The following SUN2 variants were observed in gnomAD, a reference collection of about 807,000 sequenced individuals.
SUN2 encodes the protein Sad1 and UNC84 domain containing 2, also known as SUN domain-containing protein 2.
SUN2 carries 60 observed loss-of-function variants against 100.0 expected under a neutral mutation model. The observed-to-expected ratio is 0.60, with a 90% confidence interval of 0.49 to 0.74. SUN2 has a LOEUF of 0.74. Ranked by LOEUF, SUN2 falls within the 30% of genes least tolerant of loss-of-function variation. The pLI is 0.00. For synonymous variants in SUN2, 367 were observed against 403.3 expected (o/e 0.91, Z 1.08); for missense variants, 834 against 954.6 (o/e 0.87, Z 1.66).
In SUN2 at chr22:38,748,113, C is replaced by T. The variant is rs191550852; in HGVS notation, c.685+600G>A. ...GCTGGATCACCTGAGGTCAGGAGTTCGAGACCAGCCTGACAACATGGAGAA... is the reference window on the plus strand; with the variant it reads ...GCTGGATCACCTGAGGTCAGGAGTTTGAGACCAGCCTGACAACATGGAGAA... On this transcript the variant is annotated intron_variant, in intron 7 of 17. Transcript: ENST00000689035. 2.6e-3 allele frequency among the ~76,000 whole-genome samples: 401 copies of T among 151,552 alleles called. 2 individuals carry two copies. Among genetic ancestry groups the T allele is most frequent in the African/African-American group, 9.3e-3 (386 of 41,310 alleles).
Position 38,749,881 on chromosome 22 carries a change from C to T in SUN2, c.521-22G>A, listed in dbSNP as rs574557220. The T allele has an allele frequency of 8.7e-6, 14 of 1,605,100 alleles. No individual in the cohort carries two copies. In the South Asian group the frequency reaches 8.9e-5, roughly 10 times the overall value. ...CGGCCTGGAAGAATGACCATCAAGC[C>T]GAAGGCTCCATATGGTGTTTGGGGG... is the stretch of plus-strand genomic sequence containing the variant. On this transcript the variant is annotated intron_variant, in intron 5 of 17. Transcript: ENST00000689035.
rs775107257 is a variant in SUN2 at position 38,738,185 on chromosome 22, C to T, written c.2028G>A (p.Thr676=). 15 of 1,613,850 alleles carry T rather than the reference C, an allele frequency of 9.3e-6. No homozygotes were observed. The highest frequency in any genetic ancestry group is 5.3e-5 in the African/African-American group (4 of 74,898). The change falls in exon 17 of 18, where the codon ACG becomes ACA. Residue 676 remains threonine, a synonymous_variant. Transcript: ENST00000689035. This position sits in a 1 kb window ranked among gnomAD's most constrained non-coding sequence, Gnocchi z 6.6. ...TYDQDGEPIQ[T]FHFQAPTMAT... ...CAGCATCCCGTACCTGAAAGTGAAACGTCTGAATAGGCTCGCCGTCCTGAT... is the reference window on the plus strand; with the variant it reads ...CAGCATCCCGTACCTGAAAGTGAAATGTCTGAATAGGCTCGCCGTCCTGAT...
intron 8 of SUN2, 129 bp from the exon 9 acceptor site, chr22:38,742,684 T>C: frequency 2.4e-6 from 3 of 1,257,758 alleles, no homozygotes; most frequent in Middle Eastern, 2.5e-4. Flanking sequence ...CATAAGGCCA[T>C]GCAGGGCCGG....
In SUN2 at chr22:38,739,434, G is replaced by C. The variant is rs1416250131; in HGVS notation, c.1579-8C>G. Reference sequence around the variant, plus strand: ...CACGATGTGGTGCACCTGCTGCAATGCAGGCACCAGGAGACGGTTGCAGCA... The same window carrying C: ...CACGATGTGGTGCACCTGCTGCAATCCAGGCACCAGGAGACGGTTGCAGCA... On this transcript the variant is annotated splice_polypyrimidine_tract_variant and splice_region_variant and intron_variant, in intron 13 of 17. Transcript: ENST00000689035. This position sits in a 1 kb window ranked among gnomAD's most constrained non-coding sequence, Gnocchi z 6.7. 3.7e-6 allele frequency: 6 copies of C among 1,612,610 alleles called. No individual in the cohort carries two copies. The highest frequency in any genetic ancestry group is 5.1e-6 in the Non-Finnish European group (6 of 1,179,814).
chr22:38,749,889 C>G (rs1228918258), intron 5 of SUN2, 30 bp from the exon 6 acceptor site: 1 of 1,598,062 alleles, frequency 6.3e-7, no homozygotes, highest in East Asian at 2.3e-5. Flanking sequence ...GCCGAAGGCT[C>G]CATATGGTGT....
Position 38,735,671 on chromosome 22 carries a change from C to G in SUN2, c.*596G>C, listed in dbSNP as rs1258352121. ...GCCCCATGGCCCACTGCTACCCTCC[C>G]CGGGACAAATACACACTTTTGTCGA... On this transcript the variant is annotated 3_prime_UTR_variant, in exon 18 of 18. Transcript: ENST00000689035. 3.6e-5 allele frequency: 6 copies of G among 167,838 alleles called. No individual in the cohort carries two copies. The highest frequency in any genetic ancestry group is 1.3e-5 in the Non-Finnish European group (1 of 76,608). 10.4% of individuals were successfully genotyped at this position (167,838 alleles called of 1,614,324 possible). A position where few individuals can be genotyped will look rare whatever the true frequency, so the allele number is the denominator to read the frequency against.
intron 1 of SUN2, chr22:38,754,601 TCTCCCCTC>T: frequency 9.8e-7 from 1 of 1,018,400 alleles, no homozygotes; most frequent in Non-Finnish European, 1.3e-6. Flanking sequence ...TATAAGGTAA[TCTCCCCTC>T]CCCCCTCCCT....
chr22:38,750,090 G>T (rs1358139695), intron 5 of SUN2, 135 bp downstream of exon 5: 1 of 1,379,922 alleles, frequency 7.2e-7, no homozygotes, highest in Non-Finnish European at 9.7e-7. Context: ...TGGGCTCCCA[G>T]TGATTATTCT....
rs869037443 is a variant in SUN2, at chr22:38,753,210, C to CTTTTTT, written c.-37-551_-37-546dup. On this transcript the variant is annotated intron_variant, in intron 1 of 17. Transcript: ENST00000689035. ...TTCCCATGTAGACCCCACCTATGTT[C>CTTTTTT]TTTTTTTTTTTTTTTTTTTTTTTGA... Among the ~76,000 whole-genome samples, 72 of 86,238 alleles carry CTTTTTT rather than the reference C, an allele frequency of 8.3e-4. 2 individuals carry two copies. The highest frequency in any genetic ancestry group is 9.0e-4 in the Non-Finnish European group (42 of 46,572). The allele number at this position is 86,238 out of a possible 152,430, so 56.6% of individuals were successfully genotyped here.
chr22:38,738,683 G>A lies in SUN2; in HGVS notation c.1851C>T (p.Ala617=), dbSNP rs1375943611. ...AGGTAACGGCTGTGGGGCGGATGCG[G>A]GCAGAGAGGCGGACCACGGCGAAGC... is the stretch of plus-strand genomic sequence containing the variant. The part of the protein sequence containing the change: ...PQGFAVVRLS[A]RIRPTAVTLE... The change falls in exon 16 of 18, where the codon GCC becomes GCT. Residue 617 remains alanine, a synonymous_variant. Transcript: ENST00000689035. The surrounding 1 kb of genome is among the most constrained non-coding windows in gnomAD (Gnocchi z 6.6). 1.9e-6 allele frequency: 3 copies of A among 1,613,770 alleles called. No individual in the cohort carries two copies. The highest frequency in any genetic ancestry group is 1.3e-5 in the African/African-American group (1 of 74,944).
chr22:38,740,890 A>T lies in SUN2; in HGVS notation c.1190+117T>A. On this transcript the variant is annotated intron_variant, in intron 11 of 17. Coordinates refer to ENST00000689035, the MANE Select transcript of SUN2 (RefSeq NM_015374.3). The surrounding 1 kb of genome is among the most constrained non-coding windows in gnomAD (Gnocchi z 4.8). The stretch of plus-strand genomic sequence containing the variant: ...CTGGGTTTCAACCCCTCCCCCTACC[A>T]TCTGCTTGGCAAGATGATCAGAACT... 1.7e-6 allele frequency: 2 copies of T among 1,172,820 alleles called. No homozygotes were observed. The highest frequency in any genetic ancestry group is 2.5e-6 in the Non-Finnish European group (2 of 815,776). The allele number at this position is 1,172,820 out of a possible 1,614,324, so 72.7% of individuals were successfully genotyped here.
chr22:38,743,685 G>C (rs2092878954), intron 8 of SUN2: 1 of 151,276 alleles, frequency 6.6e-6, no homozygotes, highest in Non-Finnish European at 1.5e-5. Context: ...AGACCAGGAA[G>C]CTGTTTTTAT....
In SUN2 at chr22:38,748,816, C is replaced by T. The variant is rs747211289; in HGVS notation, c.615-33G>A. ...ACGCGGGAGGGCAGGACGGGGGAGG[C>T]GGAGGTGTGAGGGGAGCTCCAGGCC... On this transcript the variant is annotated intron_variant, in intron 6 of 17. Transcript: ENST00000689035. 17 of 1,612,314 alleles carry T rather than the reference C, an allele frequency of 1.1e-5. 1 individual carries two copies. In the Admixed American group the frequency reaches 1.8e-4, roughly 17 times the overall value.
rs1249220727 is a variant in SUN2 at position 38,738,301 on chromosome 22, G to C, written c.1948-36C>G. 1.3e-6 allele frequency: 2 copies of C among 1,566,830 alleles called. No individual in the cohort carries two copies. The highest frequency in any genetic ancestry group is 1.8e-6 in the Non-Finnish European group (2 of 1,140,212). On this transcript the variant is annotated intron_variant, in intron 16 of 17. Coordinates refer to ENST00000689035, the MANE Select transcript of SUN2 (RefSeq NM_015374.3). This position sits in a 1 kb window ranked among gnomAD's most constrained non-coding sequence, Gnocchi z 6.6. ...AGCGGAGGGAAGTGGGGAGGGGCTG[G>C]AGCAGGGAGAACACCCCTCCCCACT...
rs2092840261 is a variant in SUN2 at position 38,739,959 on chromosome 22, G to A, written c.1357-16C>T. On this transcript the variant is annotated splice_polypyrimidine_tract_variant and intron_variant, in intron 12 of 17. Coordinates refer to ENST00000689035, the MANE Select transcript of SUN2 (RefSeq NM_015374.3). This position sits in a 1 kb window ranked among gnomAD's most constrained non-coding sequence, Gnocchi z 6.7. ...GAGATTCCACCTATAGGAACCCAAA[G>A]GGGTGTCACCCTGGGGGGCTTGCAG... The A allele has an allele frequency of 1.2e-6, 2 of 1,606,638 alleles. No homozygotes were observed. Among genetic ancestry groups the A allele is most frequent in the Non-Finnish European group, 1.7e-6 (2 of 1,178,908 alleles).
At chr22:38,749,294 A>G (rs951551893) in intron 6 of SUN2, among the ~76,000 whole-genome samples, 14 of 152,078 alleles carry the variant, frequency 9.2e-5, no homozygotes, top group African/African-American at 3.4e-4. Flanking sequence ...GGACTTGGGG[A>G]ATGAACCCAT....
chr22:38,755,306 C>A lies in SUN2; in HGVS notation c.-38+457G>T. 2 of 1,114,446 alleles carry A rather than the reference C, an allele frequency of 1.8e-6. No homozygotes were observed. Among genetic ancestry groups the A allele is most frequent in the Non-Finnish European group, 2.2e-6 (2 of 904,548 alleles). 69.0% of individuals were successfully genotyped at this position (1,114,446 alleles called of 1,614,324 possible). A position where few individuals can be genotyped will look rare whatever the true frequency, so the allele number is the denominator to read the frequency against. ...TTGTCACCAAAGGCGCGCCTCCTGG[C>A]TCTCTAAGTCACACCGCGCCCCCCA... On this transcript the variant is annotated intron_variant, in intron 1 of 17. Transcript: ENST00000689035. This position sits in a 1 kb window ranked among gnomAD's most constrained non-coding sequence, Gnocchi z 5.7.
chr22:38,753,605 C>T (rs1368611849), intron 1 of SUN2, among the ~76,000 whole-genome samples: 1 of 152,208 alleles, frequency 6.6e-6, no homozygotes, highest in Non-Finnish European at 1.5e-5. Context: ...ATGGCGCTTG[C>T]ACTGTCTGTC....
chr22:38,736,626 C>T (rs578107992), intron 17 of SUN2: 169 of 354,908 alleles, frequency 4.8e-4, no homozygotes, highest in Non-Finnish European at 5.4e-4. Flanking sequence ...CATCCACAAT[C>T]GTTTTTTTAT....
Sources: allele counts gnomAD v4.1 joint callset (sites outside exome capture counted in the v4.1 genomes callset), GRCh38; gene constraint gnomAD v4.1.1; non-coding constraint Gnocchi (gnomAD v3.1); transcripts MANE v1.5; gene names NCBI Gene and HGNC (gene_info 2026-07-23, HGNC 2026-07-21).